The following NAV2 variants were observed in gnomAD, a reference collection of about 807,000 sequenced individuals.
NAV2 encodes the protein helicase, APC down-regulated 1.
In NAV2, 54 loss-of-function variants were observed where a neutral mutation model predicts 223.2. The ratio of observed to expected loss-of-function variants is 0.24; its 90% CI spans 0.19 to 0.30. The LOEUF (loss-of-function observed/expected upper bound fraction) is 0.30. Among genes scored for constraint, NAV2 ranks in the 10% least tolerant of loss-of-function variants. NAV2 has a pLI of 1.00. For synonymous variants in NAV2, 1,279 were observed against 1,239.3 expected, an observed-to-expected ratio of 1.03 and a Z score of -0.67; for missense variants, 2,806 against 3,147.5, an observed-to-expected ratio of 0.89 and a Z score of 2.60.
intron 10 of NAV2, among the ~76,000 whole-genome samples, chr11:19,967,549 A>C (rs1358997716): frequency 6.6e-6 from 1 of 152,208 alleles, no homozygotes; most frequent in East Asian, 1.9e-4. Context: ...CCATAGGTGG[A>C]AGTTAGACAG....
intron 1 of NAV2, among the ~76,000 whole-genome samples, chr11:19,829,905 A>G (rs1367151987): frequency 6.6e-6 from 1 of 152,184 alleles, no homozygotes; most frequent in Non-Finnish European, 1.5e-5. Flanking sequence ...ATAGCAAGGG[A>G]AAGATCTAGG....
At chr11:19,510,618 G>A (rs1166594618) in intron 1 of NAV2, among the ~76,000 whole-genome samples, 5 of 152,250 alleles carry the variant, frequency 3.3e-5, no homozygotes, top group Admixed American at 3.3e-4. Context: ...AACAGAGCCA[G>A]CGCTTTACCC....
At chr11:19,761,724 C>G (rs184547414) in intron 1 of NAV2, among the ~76,000 whole-genome samples, 1 of 152,202 alleles carries the variant, frequency 6.6e-6, no homozygotes, top group South Asian at 2.1e-4. Flanking sequence ...TAGAACTGCT[C>G]TAAGGACTAC....
At chr11:19,729,710 C>T (rs1322578040) in intron 1 of NAV2, among the ~76,000 whole-genome samples, 1 of 152,130 alleles carries the variant, frequency 6.6e-6, no homozygotes, top group Non-Finnish European at 1.5e-5. Context: ...TGCCATTTCT[C>T]CTTATTAGGG....
At chr11:19,462,796 A>G (rs1852212575) in intron 1 of NAV2, among the ~76,000 whole-genome samples, 1 of 152,132 alleles carries the variant, frequency 6.6e-6, no homozygotes, top group Non-Finnish European at 1.5e-5. Context: ...TCTCCTCTCT[A>G]TAGACACCTG....
chr11:19,732,493 G>A (rs368235607), intron 1 of NAV2, among the ~76,000 whole-genome samples: 41 of 152,306 alleles, frequency 2.7e-4, no homozygotes, highest in East Asian at 1.3e-3. Flanking sequence ...CTATTAAGAG[G>A]GTCTTAGTTG....
At chr11:19,823,904 C>T (rs997840112) in intron 1 of NAV2, among the ~76,000 whole-genome samples, 1 of 151,548 alleles carries the variant, frequency 6.6e-6, no homozygotes, top group Non-Finnish European at 1.5e-5. Context: ...TATCTGAGAA[C>T]TTAAAGTATT....
At chr11:19,931,808 G>A (rs1029867769) in intron 6 of NAV2, 4 of 152,306 alleles carry the variant, frequency 2.6e-5, no homozygotes, top group Non-Finnish European at 5.9e-5. Flanking sequence ...ATGTCATTGT[G>A]AGTTTGCAGA....
chr11:19,467,362 A>G (rs1432583374), intron 1 of NAV2, among the ~76,000 whole-genome samples: 1 of 152,154 alleles, frequency 6.6e-6, no homozygotes, highest in Non-Finnish European at 1.5e-5. Flanking sequence ...TTTAATGTAC[A>G]TCTTTGAACA....
At chr11:19,367,837 A>G (rs376566741) in intron 1 of NAV2, among the ~76,000 whole-genome samples, 109 of 152,358 alleles carry the variant, frequency 7.2e-4, no homozygotes, top group African/African-American at 9.9e-4. Context: ...AGTTCCCAGA[A>G]GATGCATTAA....
intron 1 of NAV2, among the ~76,000 whole-genome samples, chr11:19,369,588 T>G (rs1271921464): frequency 1.3e-5 from 2 of 152,156 alleles, no homozygotes; most frequent in Non-Finnish European, 2.9e-5. Flanking sequence ...CTCAGAGATT[T>G]TCTTTGAGCT....
chr11:19,548,420 T>C (rs2044575050), intron 1 of NAV2, among the ~76,000 whole-genome samples: 1 of 152,188 alleles, frequency 6.6e-6, no homozygotes, highest in Non-Finnish European at 1.5e-5. Context: ...ATTTCGCAGA[T>C]GCAGTAGCTG....
At chr11:19,395,504 C>T (rs1027329370) in intron 1 of NAV2, among the ~76,000 whole-genome samples, 1 of 152,220 alleles carries the variant, frequency 6.6e-6, no homozygotes, top group Non-Finnish European at 1.5e-5. Context: ...TGTCTTTGCT[C>T]AGAAGCAGGT....
At chr11:19,522,601 G>A (rs1394198100) in intron 1 of NAV2, among the ~76,000 whole-genome samples, 1 of 152,168 alleles carries the variant, frequency 6.6e-6, no homozygotes, top group Non-Finnish European at 1.5e-5. Context: ...TGCCACTGGT[G>A]TGTGTCCAGC....
At chr11:19,800,999 G>A (rs910497184) in intron 1 of NAV2, among the ~76,000 whole-genome samples, 2 of 152,192 alleles carry the variant, frequency 1.3e-5, no homozygotes, top group Admixed American at 6.5e-5. Flanking sequence ...TGTTAGGACT[G>A]AACATTTCAG....
chr11:20,102,730 A>C (rs1786312292), intron 32 of NAV2, among the ~76,000 whole-genome samples: 1 of 152,086 alleles, frequency 6.6e-6, no homozygotes, highest in African/African-American at 2.4e-5. Context: ...TACCCCAGGC[A>C]TGCAGGGCTG....
chr11:19,569,001 T>C lies in NAV2; in HGVS notation c.75+217974T>C, dbSNP rs542077517. Among the ~76,000 whole-genome samples, 56 of 152,352 alleles carry C rather than the reference T, an allele frequency of 3.7e-4. 1 individual carries two copies. The highest frequency in any genetic ancestry group is 3.4e-3 in the Middle Eastern group (1 of 294). ...TTTTCAGGTGCTGAGCACAGAATGC[T>C]TGGGCCCAGCACTTCAGAGAAGTCA... On this transcript the variant is annotated intron_variant, in intron 1 of 37. Coordinates refer to the NAV2 transcript ENST00000360655.
chr11:19,908,081 T>C (rs529171339), intron 6 of NAV2, among the ~76,000 whole-genome samples: 19 of 152,346 alleles, frequency 1.2e-4, no homozygotes, highest in Admixed American at 1.2e-3. Context: ...GCAACCGGAA[T>C]GGCCACTGCT....
intron 1 of NAV2, among the ~76,000 whole-genome samples, chr11:19,681,126 G>A (rs1265575642): frequency 6.6e-6 from 1 of 152,198 alleles, no homozygotes; most frequent in African/African-American, 2.4e-5. Flanking sequence ...TTACTAATGA[G>A]AGACAGAGCC....
Sources: allele counts gnomAD v4.1 joint callset (sites outside exome capture counted in the v4.1 genomes callset), GRCh38; gene constraint gnomAD v4.1.1; transcripts MANE v1.5; gene names NCBI Gene and HGNC (gene_info 2026-07-23, HGNC 2026-07-21).